The following POTEE variants were observed in gnomAD, a reference collection of about 807,000 sequenced individuals.
POTEE encodes POTE ankyrin domain family member E, also known as ANKRD26-like family C member 1A.
Under a neutral mutation model 74.2 loss-of-function variants are expected in POTEE, and 21 were observed. The observed-to-expected ratio is 0.28, with a 90% CI of 0.20 to 0.41. POTEE has a LOEUF of 0.41. POTEE is among the 10% of genes least tolerant of loss of function. The pLI, the probability that POTEE is intolerant of heterozygous loss-of-function variation, is 1.00. For missense variants in POTEE, 525 were observed against 1,158.6 expected, an observed-to-expected ratio of 0.45 and a Z score of 7.94; for synonymous variants, 211 against 432.8, an observed-to-expected ratio of 0.49 and a Z score of 6.36.
intron 9 of POTEE, among the ~76,000 whole-genome samples, chr2:131,235,792 C>CA (rs1203876832): frequency 0.73 from 57,890 of 79,386 alleles, 21,428 homozygotes; most frequent in Non-Finnish European, 0.82. Context: ...GACCCTGGCT[C>CA]AAAAAAAAAA....
chr2:131,213,235 G>A (rs1700392524), intron 2 of POTEE, among the ~76,000 whole-genome samples: 1 of 152,094 alleles, frequency 6.6e-6, no homozygotes, highest in South Asian at 2.1e-4. Flanking sequence ...GTATTTTAAG[G>A]CAAAGATTCA....
rs1701866860 is a variant in POTEE, at chr2:131,265,056, C to G, written c.*373C>G. The G allele has an allele frequency of 3.1e-6, 1 of 321,862 alleles. No individual in the cohort carries two copies. Among genetic ancestry groups the G allele is most frequent in the Admixed American group, 4.7e-5 (1 of 21,268 alleles). The allele number at this position is 321,862 out of a possible 1,614,324, so 19.9% of individuals were successfully genotyped here. A position where few individuals can be genotyped will look rare whatever the true frequency, so the allele number is the denominator to read the frequency against. ...TCACACAGGGGAGGTGATAGCATTG[C>G]TTTTGTGCAAATTACATAATGCAAA... On this transcript the variant is annotated 3_prime_UTR_variant, in exon 18 of 18. Coordinates refer to ENST00000683005, the MANE Select transcript of POTEE (RefSeq NM_001083538.3).
At chr2:131,244,988 T>TA (rs1223126873) in intron 12 of POTEE, among the ~76,000 whole-genome samples, 791 of 51,866 alleles carry the variant, frequency 0.015, no homozygotes, top group Middle Eastern at 0.055. Context: ...TTTGAGCATT[T>TA]AAAAAAATGT....
Position 131,209,612 on chromosome 2 carries a change from G to C in POTEE, c.-552G>C, listed in dbSNP as rs1368596617. ...TTTCTGGCTGGAGCCTCGGACACTG[G>C]CTCACTGCAGTTGGTGGTGTCCACA... On this transcript the variant is annotated 5_prime_UTR_variant, in exon 1 of 18. Transcript: ENST00000683005. Among the ~76,000 whole-genome samples the C allele has an allele frequency of 6.6e-6, 1 of 152,192 alleles. No homozygotes were observed. Among genetic ancestry groups the C allele is most frequent in the African/African-American group, 2.4e-5 (1 of 41,442 alleles).
intron 12 of POTEE, among the ~76,000 whole-genome samples, chr2:131,239,744 A>G (rs1701225681): frequency 2.1e-5 from 3 of 140,942 alleles, no homozygotes; most frequent in Non-Finnish European, 3.1e-5. Context: ...AAAGTGTATC[A>G]TGGAGATTTG....
chr2:131,219,656 G>A (rs1169918701), intron 4 of POTEE, among the ~76,000 whole-genome samples: 1 of 151,916 alleles, frequency 6.6e-6, no homozygotes, highest in Non-Finnish European at 1.5e-5. Context: ...AGAATGGCGT[G>A]AACCCGGGAG....
intron 2 of POTEE, among the ~76,000 whole-genome samples, chr2:131,217,366 C>A (rs1289868416): frequency 5.7e-4 from 56 of 98,222 alleles, no homozygotes; most frequent in African/African-American, 2.0e-3. Context: ...GTTGAAGGCA[C>A]CTCAGGCAGG....
intron 9 of POTEE, among the ~76,000 whole-genome samples, chr2:131,231,367 C>T (rs1166077661): frequency 6.6e-6 from 1 of 151,530 alleles, no homozygotes; most frequent in South Asian, 2.1e-4. Flanking sequence ...GATGAAGCTT[C>T]CCTGGCTTGC....
At chr2:131,222,296 A>G (rs984806626) in intron 4 of POTEE, among the ~76,000 whole-genome samples, 3 of 152,258 alleles carry the variant, frequency 2.0e-5, no homozygotes, top group African/African-American at 4.8e-5. Flanking sequence ...TCCTTAGCAA[A>G]CTAACAAAGG....
chr2:131,235,632 A>G (rs921270545), intron 9 of POTEE, among the ~76,000 whole-genome samples: 1 of 151,866 alleles, frequency 6.6e-6, no homozygotes, highest in Non-Finnish European at 1.5e-5. Flanking sequence ...TCTCTACTAA[A>G]AACATGAAAA....
chr2:131,223,026 G>C (rs1160133492), intron 4 of POTEE, among the ~76,000 whole-genome samples: 3 of 151,746 alleles, frequency 2.0e-5, no homozygotes, highest in Non-Finnish European at 2.9e-5. Flanking sequence ...TTTCAGTGGA[G>C]ACAACATGGA....
chr2:131,237,837 C>T (rs57592721), intron 10 of POTEE, among the ~76,000 whole-genome samples: 5,202 of 127,368 alleles, frequency 0.041, 1 homozygote, highest in African/African-American at 0.057. Context: ...AAATCATCTG[C>T]TGATTCATTT....
chr2:131,209,822 G>C lies in POTEE; in HGVS notation c.-345+3G>C, dbSNP rs866083802. On this transcript the variant is annotated splice_donor_region_variant and intron_variant, in intron 1 of 17. Transcript: ENST00000683005. ...GTGGTAGAAATGTCCTGGTGTAGGT[G>C]AGTTATCCGGGGATGTACTGCCCGC... Among the ~76,000 whole-genome samples the C allele has an allele frequency of 5.1e-3, 779 of 152,062 alleles. 1 individual carries two copies. Among genetic ancestry groups the C allele is most frequent in the Admixed American group, 0.01 (160 of 15,274 alleles).
At chr2:131,219,833 C>G (rs1700560452) in intron 4 of POTEE, among the ~76,000 whole-genome samples, 1 of 151,940 alleles carries the variant, frequency 6.6e-6, no homozygotes, top group African/African-American at 2.4e-5. Flanking sequence ...ATTACACATG[C>G]TGTCTTTTAT....
In POTEE at chr2:131,218,328, C is replaced by A. The variant is rs1233608771; in HGVS notation, c.-75C>A. 3 of 1,598,954 alleles carry A rather than the reference C, an allele frequency of 1.9e-6. No individual in the cohort carries two copies. Among genetic ancestry groups the A allele is most frequent in the African/African-American group, 2.7e-5 (2 of 74,446 alleles). On this transcript the variant is annotated 5_prime_UTR_variant, in exon 4 of 18. Transcript: ENST00000683005. ...CAAACAGATTGGAAACCCGGAGTTA[C>A]CTGCTAGTTGGTGAAACTGGTTGGT...
chr2:131,218,646 G>A lies in POTEE; in HGVS notation c.244G>A (p.Ala82Thr), dbSNP rs530766889. The change falls in exon 4 of 18, where the codon GCT becomes ACT. Residue 82 changes from alanine to threonine, a missense_variant. Physicochemically the swap from Ala to Thr is moderately conservative, Grantham distance 58. Transcript: ENST00000683005. ...CRGSGKSNVGASGDHDDSAMK... is the reference protein window; with the variant it reads ...CRGSGKSNVGTSGDHDDSAMK... ...GGGGAGTGGCAAGAGCAACGTGGGCGCTTCTGGAGACCACGACGACTCTGC... is the reference window on the plus strand; with the variant it reads ...GGGGAGTGGCAAGAGCAACGTGGGCACTTCTGGAGACCACGACGACTCTGC... 3.3e-5 allele frequency: 52 copies of A among 1,599,114 alleles called. No individual in the cohort carries two copies. The highest frequency in any genetic ancestry group is 2.9e-4 in the South Asian group (26 of 90,302).
At position 131,264,998 on chromosome 2, in the gene POTEE, C is replaced by G. The variant is rs932934375; in HGVS notation, c.*315C>G. 1.3e-5 allele frequency: 7 copies of G among 542,588 alleles called. No homozygotes were observed. In the African/African-American group the frequency reaches 1.3e-4, roughly 10 times the overall value. 33.6% of individuals were successfully genotyped at this position (542,588 alleles called of 1,614,324 possible). On this transcript the variant is annotated 3_prime_UTR_variant, in exon 18 of 18. Coordinates refer to ENST00000683005, the MANE Select transcript of POTEE (RefSeq NM_001083538.3). ...CCCTGCTAAAAGCCATCCCACTTCTCTCTAAGGAGAATGGCCCAGTCCTCT... is the reference window on the plus strand; with the variant it reads ...CCCTGCTAAAAGCCATCCCACTTCTGTCTAAGGAGAATGGCCCAGTCCTCT...
chr2:131,219,699 C>G (rs186338141), intron 4 of POTEE, among the ~76,000 whole-genome samples: 1 of 151,248 alleles, frequency 6.6e-6, no homozygotes, highest in African/African-American at 2.4e-5. Flanking sequence ...ATAGTGCCAC[C>G]GCACTCCAGC....
chr2:131,220,698 A>C (rs1700591973), intron 4 of POTEE, among the ~76,000 whole-genome samples: 1 of 152,066 alleles, frequency 6.6e-6, no homozygotes, highest in South Asian at 2.1e-4. Context: ...ACAGTGGCTT[A>C]CGCCCGTTAC....
Sources: allele counts gnomAD v4.1 joint callset (sites outside exome capture counted in the v4.1 genomes callset), GRCh38; gene constraint gnomAD v4.1.1; transcripts MANE v1.5; gene names NCBI Gene and HGNC (gene_info 2026-07-23, HGNC 2026-07-21).